EFNA5: variants seen among roughly 807,000 people sequenced by gnomAD.
EFNA5 encodes the protein ephrin-A5.
A neutral mutation model predicts 22.9 loss-of-function variants in EFNA5; 5 were observed. That is an observed-to-expected ratio of 0.22 (90% CI 0.11 to 0.46). The LOEUF (loss-of-function observed/expected upper bound fraction) is 0.46. Among genes scored for constraint, EFNA5 ranks in the 20% least tolerant of loss-of-function variants. The probability of loss-of-function intolerance (pLI) is 0.99; values close to 1 mark genes in which losing one functional copy is unlikely to be tolerated. For missense variants in EFNA5, 237 were observed against 293.3 expected (o/e 0.81, Z 1.40); for synonymous variants, 113 against 112.2 (o/e 1.01, Z -0.04).
At chr5:107,474,729 A>G (rs533274035) in intron 1 of EFNA5, among the ~76,000 whole-genome samples, 4 of 152,174 alleles carry the variant, frequency 2.6e-5, no homozygotes, top group African/African-American at 9.7e-5. Context: ...ACACCACCTC[A>G]ATCTTGTTAA....
At chr5:107,406,236 GA>G (rs1580430033) in intron 2 of EFNA5, among the ~76,000 whole-genome samples, 1 of 149,526 alleles carries the variant, frequency 6.7e-6, no homozygotes, top group African/African-American at 2.5e-5. Context: ...TAAATTAATA[GA>G]ATGTATACAA....
intron 2 of EFNA5, among the ~76,000 whole-genome samples, chr5:107,425,090 G>A (rs1748775439): frequency 6.6e-6 from 1 of 152,134 alleles, no homozygotes. Flanking sequence ...TTTGACGGAA[G>A]CCCTTGACAG....
intron 1 of EFNA5, among the ~76,000 whole-genome samples, chr5:107,562,002 G>A (rs1449496487): frequency 4.6e-5 from 7 of 152,178 alleles, no homozygotes; most frequent in Admixed American, 6.5e-5. Context: ...GGGATGGGAC[G>A]CACCCTGCCA....
Position 107,617,171 on chromosome 5 carries a change from TA to T in EFNA5, c.125+53317del, listed in dbSNP as rs146721914. 7.4e-3 allele frequency among the ~76,000 whole-genome samples: 1,067 copies of T among 144,890 alleles called. 20 individuals are homozygous for T. Among genetic ancestry groups the T allele is most frequent in the African/African-American group, 0.027 (1,031 of 38,616 alleles). On this transcript the variant is annotated intron_variant, in intron 1 of 4. Coordinates refer to ENST00000333274, the MANE Select transcript of EFNA5 (RefSeq NM_001962.3). ...CTACCTTACCATAAATTTAAACCCA[TA>T]AAAAAACTAAACATTACACATACTT...
chr5:107,572,781 C>T (rs1271532480), intron 1 of EFNA5, among the ~76,000 whole-genome samples: 1 of 152,114 alleles, frequency 6.6e-6, no homozygotes, highest in Non-Finnish European at 1.5e-5. Context: ...AAGCTTTTGC[C>T]TTCCTTTTCA....
chr5:107,590,163 C>T (rs766887960), intron 1 of EFNA5, among the ~76,000 whole-genome samples: 16 of 151,924 alleles, frequency 1.1e-4, no homozygotes, highest in African/African-American at 1.7e-4. Context: ...GGTAAGAGGA[C>T]GAAAGAAATG....
chr5:107,650,723 T>C lies in EFNA5; in HGVS notation c.125+19766A>G, dbSNP rs369263925. 1.2e-4 allele frequency among the ~76,000 whole-genome samples: 19 copies of C among 152,306 alleles called. No individual in the cohort carries two copies. The South Asian group carries it at 3.3e-3, about 27-fold the overall frequency. On this transcript the variant is annotated intron_variant, in intron 1 of 4. Transcript: ENST00000333274. ...GATTGCTAAATTCTAAAACTTTTATTCAGGGAATATCCAGAATTTCTTCTG... is the reference window on the plus strand; with the variant it reads ...GATTGCTAAATTCTAAAACTTTTATCCAGGGAATATCCAGAATTTCTTCTG...
At chr5:107,559,016 C>T (rs2112475440) in intron 1 of EFNA5, among the ~76,000 whole-genome samples, 1 of 152,256 alleles carries the variant, frequency 6.6e-6, no homozygotes, top group African/African-American at 2.4e-5. Context: ...ATTCTACAGC[C>T]AGATGGGCGC....
In EFNA5 at chr5:107,670,913, C is replaced by T. The variant is rs1751188338; in HGVS notation, c.-300G>A. 1.0e-5 allele frequency: 3 copies of T among 292,048 alleles called. No individual in the cohort carries two copies. The highest frequency in any genetic ancestry group is 2.3e-5 in the African/African-American group (1 of 43,928). The allele number at this position is 292,048 out of a possible 1,614,324, so 18.1% of individuals were successfully genotyped here. On this transcript the variant is annotated 5_prime_UTR_variant, in exon 1 of 5. Coordinates refer to ENST00000333274, the MANE Select transcript of EFNA5 (RefSeq NM_001962.3). Reference sequence around the variant, plus strand: ...AGAGAAGCGTGCGTGTGTGTGGTGGCGGCGGCGAGGGCGGGGGAAGAGGTG... The same window carrying T: ...AGAGAAGCGTGCGTGTGTGTGGTGGTGGCGGCGAGGGCGGGGGAAGAGGTG...
At chr5:107,582,341 G>A (rs1449658053) in intron 1 of EFNA5, among the ~76,000 whole-genome samples, 1 of 152,124 alleles carries the variant, frequency 6.6e-6, no homozygotes, top group Non-Finnish European at 1.5e-5. Context: ...ATCTACATAG[G>A]AAATTAAGTT....
intron 1 of EFNA5, among the ~76,000 whole-genome samples, chr5:107,482,891 T>TAC (rs1561406502): frequency 6.9e-5 from 10 of 145,314 alleles, no homozygotes; most frequent in South Asian, 2.2e-4. Context: ...TATATATATA[T>TAC]ATACATACAT....
In EFNA5 at chr5:107,591,999, A is replaced by T. The variant is rs1470907553; in HGVS notation, c.125+78490T>A. Among the ~76,000 whole-genome samples the T allele has an allele frequency of 3.0e-3, 122 of 41,036 alleles. 11 individuals are homozygous for T. The highest frequency in any genetic ancestry group is 0.017 in the African/African-American group (116 of 6,762). 26.9% of individuals were successfully genotyped at this position (41,036 alleles called of 152,430 possible). Reference sequence around the variant, plus strand: ...ATAATATATAATATATAATATATATAATATATAATATATATAATATAATAT... The same window carrying T: ...ATAATATATAATATATAATATATATTATATATAATATATATAATATAATAT... On this transcript the variant is annotated intron_variant, in intron 1 of 4. Transcript: ENST00000333274.
chr5:107,656,523 G>A (rs1332246973), intron 1 of EFNA5, among the ~76,000 whole-genome samples: 2 of 152,050 alleles, frequency 1.3e-5, no homozygotes, highest in Non-Finnish European at 2.9e-5. Context: ...TTATTTGTAA[G>A]AATGTATTTT....
intron 1 of EFNA5, among the ~76,000 whole-genome samples, chr5:107,434,583 A>G (rs572526083): frequency 6.6e-6 from 1 of 152,366 alleles, no homozygotes; most frequent in African/African-American, 2.4e-5. Flanking sequence ...GGCCTTTAGC[A>G]TATGTTGCTG....
intron 1 of EFNA5, among the ~76,000 whole-genome samples, chr5:107,481,952 G>A (rs1287227874): frequency 2.6e-5 from 4 of 151,994 alleles, no homozygotes; most frequent in Non-Finnish European, 4.4e-5. Flanking sequence ...AACAAACACT[G>A]TCTTGTGTAA....
intron 1 of EFNA5, among the ~76,000 whole-genome samples, chr5:107,661,873 C>A (rs2112561285): frequency 6.6e-6 from 1 of 152,268 alleles, no homozygotes; most frequent in African/African-American, 2.4e-5. Flanking sequence ...ATTATCCAAC[C>A]TAACTATGCC....
chr5:107,590,566 A>G (rs1749299507), intron 1 of EFNA5, among the ~76,000 whole-genome samples: 1 of 150,756 alleles, frequency 6.6e-6, no homozygotes, highest in South Asian at 2.1e-4. Context: ...TTTTTTTTCT[A>G]TTTTTTTGTG....
intron 2 of EFNA5, among the ~76,000 whole-genome samples, chr5:107,420,699 C>A (rs1380864694): frequency 2.0e-5 from 3 of 151,942 alleles, no homozygotes; most frequent in African/African-American, 7.3e-5. Flanking sequence ...TGTAATTTAT[C>A]TGCTTTTCTA....
chr5:107,386,305 A>T (rs1747622653), intron 4 of EFNA5, among the ~76,000 whole-genome samples: 2 of 152,098 alleles, frequency 1.3e-5, no homozygotes. Context: ...GGAGAAGAGG[A>T]CACCACAGAG....
Sources: gnomAD v4.1 joint callset for allele counts (sites outside exome capture counted in the v4.1 genomes callset) on GRCh38, gnomAD v4.1.1 for gene constraint, MANE v1.5 for transcripts, NCBI Gene and HGNC (gene_info 2026-07-23, HGNC 2026-07-21) for gene names.